Variants in SH2B2 observed in about 807,000 individuals in gnomAD.
SH2B2 encodes the protein SH2B adaptor protein 2, also known as SH2B adapter protein 2.
A neutral mutation model predicts 35.7 loss-of-function variants in SH2B2; 37 were observed. The observed-to-expected ratio is 1.04, with a 90% CI of 0.80 to 1.36. The LOEUF (loss-of-function observed/expected upper bound fraction) is 1.36, where lower values mean the gene tolerates loss of function less well. SH2B2 is among the 40% of genes most tolerant of loss of function. The probability of loss-of-function intolerance (pLI) is 0.00; values close to 1 mark genes in which losing one functional copy is unlikely to be tolerated. For missense variants in SH2B2, 852 were observed against 817.7 expected, an observed-to-expected ratio of 1.04 and a Z score of -0.51; for synonymous variants, 383 against 376.4, an observed-to-expected ratio of 1.02 and a Z score of -0.20.
Position 102,301,151 on chromosome 7 carries a change from CGCTTCATGGTG to C in SH2B2, c.604_614del (p.Phe202ArgfsTer53), listed in dbSNP as rs1554553765. ...GGACATTCAACGCGAGGGGGCGCTG[CGCTTCATGGTG>C]GCCGACGACGCGGCCGCGGGCTCCG... On this transcript the variant is annotated frameshift_variant, in exon 2 of 9. Coordinates refer to ENST00000444095, the MANE Select transcript of SH2B2 (RefSeq NM_001359228.2). LOFTEE classifies it high-confidence loss of function. 6.4e-7 allele frequency: 1 copy of C among 1,553,522 alleles called. No individual in the cohort carries two copies. The highest frequency in any genetic ancestry group is 2.5e-5 in the East Asian group (1 of 40,678).
chr7:102,295,314 G>T (rs782715811), intron 1 of SH2B2, among the ~76,000 whole-genome samples: 8 of 152,316 alleles, frequency 5.3e-5, no homozygotes, highest in East Asian at 3.9e-4. Context: ...TAATGGTATA[G>T]AGAGAGAGGT....
At position 102,321,505 on chromosome 7, in the gene SH2B2, G is replaced by A. The variant is rs1217343209; in HGVS notation, c.1774G>A (p.Ala592Thr). The A allele has an allele frequency of 7.0e-6, 8 of 1,150,890 alleles. No homozygotes were observed. The African/African-American group carries it at 1.3e-4, about 19-fold the overall frequency. The allele number at this position is 1,150,890 out of a possible 1,614,324, so 71.3% of individuals were successfully genotyped here. A position where few individuals can be genotyped will look rare whatever the true frequency, so the allele number is the denominator to read the frequency against. Residue 592 changes from alanine to threonine, a missense_variant, in exon 9 of 9, where the codon GCG (alanine) becomes ACG (threonine). This residue lies in a region of SH2B2 where 556 missense variants were observed against 514.5 expected (regional missense o/e 1.08). Transcript: ENST00000444095. ...GCGCCCCGTCGAGGGCCAGCTCAGC[G>A]CGCGGAGCCGCAGCAACAGCGCCGA... Reference protein sequence around the residue: ...PPRPVEGQLSARSRSNSAERL... With the variant: ...PPRPVEGQLSTRSRSNSAERL...
At chr7:102,290,090 C>G (rs803094) in intron 1 of SH2B2, among the ~76,000 whole-genome samples, 5,000 of 150,242 alleles carry the variant, frequency 0.033, 115 homozygotes, top group Middle Eastern at 0.066. Context: ...CCCGCCCCCC[C>G]ACCCAGCCGC....
chr7:102,285,902 G>A (rs1313070344), upstream of SH2B2, among the ~76,000 whole-genome samples: 1 of 151,854 alleles, frequency 6.6e-6, no homozygotes, highest in Non-Finnish European at 1.5e-5. Flanking sequence ...TGCCCCCACC[G>A]AAGCCCTCCC....
intron 4 of SH2B2, 154 bp downstream of exon 4, chr7:102,309,060 C>CT (rs1554555444): frequency 1.4e-6 from 1 of 736,584 alleles, no homozygotes; most frequent in African/African-American, 1.7e-5. Context: ...GATCACCCTC[C>CT]TTTAAAATAC....
At chr7:102,286,376 G>C (rs1792446499), upstream of SH2B2, among the ~76,000 whole-genome samples, 1 of 152,228 alleles carries the variant, frequency 6.6e-6, no homozygotes, top group Admixed American at 6.5e-5. Context: ...TCCCTGCTGC[G>C]GAGAGTCTGG....
intron 2 of SH2B2, among the ~76,000 whole-genome samples, chr7:102,302,073 G>T (rs550638722): frequency 7.8e-4 from 118 of 152,216 alleles, no homozygotes; most frequent in Non-Finnish European, 1.4e-3. Context: ...TTGCTCAAGT[G>T]GTCTGGAACT....
intron 3 of SH2B2, 60 bp downstream of exon 3, chr7:102,306,882 G>T: frequency 7.6e-7 from 1 of 1,315,378 alleles, no homozygotes. Context: ...CTTCCCTTTA[G>T]GTGCTACAGC....
chr7:102,317,078 A>G (rs1347049783), intron 6 of SH2B2, 109 bp from the exon 7 acceptor site: 8 of 888,248 alleles, frequency 9.0e-6, no homozygotes, highest in Non-Finnish European at 1.2e-5. Context: ...TTCCAACAGC[A>G]TTTTGCATGT....
At chr7:102,311,554 CTTTT>C (rs1171961750) in intron 4 of SH2B2, among the ~76,000 whole-genome samples, 12 of 104,622 alleles carry the variant, frequency 1.1e-4, no homozygotes, top group Admixed American at 4.4e-4. Context: ...TGCAACTGGC[CTTTT>C]TTTTTTTTTT....
chr7:102,305,045 G>A (rs374419784), intron 2 of SH2B2, among the ~76,000 whole-genome samples: 1 of 152,144 alleles, frequency 6.6e-6, no homozygotes, highest in East Asian at 1.9e-4. Flanking sequence ...ACAGAGTGGC[G>A]GTCCCACAGA....
chr7:102,309,444 T>A (rs1793532588), intron 4 of SH2B2: 3 of 285,800 alleles, frequency 1.0e-5, no homozygotes, highest in South Asian at 5.8e-5. Flanking sequence ...CACTGCAATC[T>A]CCGCCTCCCA....
At position 102,297,801 on chromosome 7, in the gene SH2B2, G is replaced by A. The variant is rs114882137; in HGVS notation, c.-29-2721G>A. Among the ~76,000 whole-genome samples, 463 of 152,190 alleles carry A rather than the reference G, an allele frequency of 3.0e-3. 2 individuals are homozygous for A. The highest frequency in any genetic ancestry group is 0.011 in the African/African-American group (447 of 41,490). On this transcript the variant is annotated intron_variant, in intron 1 of 8. Coordinates refer to ENST00000444095, the MANE Select transcript of SH2B2 (RefSeq NM_001359228.2). The surrounding 1 kb of genome is among the most constrained non-coding windows in gnomAD (Gnocchi z 4.3). ...TGAAACTGGCATTCTCGGGGGAAGG[G>A]GGTGGAGGGGACACACAACCAAGCA...
intron 2 of SH2B2, among the ~76,000 whole-genome samples, chr7:102,303,217 CAA>C (rs549676263): frequency 6.7e-5 from 9 of 133,424 alleles, no homozygotes; most frequent in Non-Finnish European, 3.3e-5. Context: ...AACTCTGTCT[CAA>C]AAAAAAAAAA....
In SH2B2 at chr7:102,317,381, C is replaced by CAGGGCA. The variant is rs1793889222; in HGVS notation, c.1385_1390dup (p.Gly462_Lys463dup). Reference sequence around the variant, plus strand: ...GGAGTACGTGCTGACCTTCAACTTCCAGGGCAAGGCCAAGGCAAGTGTGTG... The same window carrying CAGGGCA: ...GGAGTACGTGCTGACCTTCAACTTCCAGGGCAAGGGCAAGGCCAAGGCAAGTGTGTG... On this transcript the variant is annotated inframe_insertion, in exon 7 of 9. Transcript: ENST00000444095. 6.3e-7 allele frequency: 1 copy of CAGGGCA among 1,581,176 alleles called. No individual in the cohort carries two copies. The highest frequency in any genetic ancestry group is 8.6e-7 in the Non-Finnish European group (1 of 1,156,868).
At chr7:102,285,851 G>T (rs1198495793), upstream of SH2B2, among the ~76,000 whole-genome samples, 2 of 152,174 alleles carry the variant, frequency 1.3e-5, no homozygotes, top group South Asian at 4.1e-4. Context: ...ATCTCCAGGA[G>T]CAAGACTACT....
intron 1 of SH2B2, among the ~76,000 whole-genome samples, chr7:102,298,155 G>A (rs1253061801): frequency 3.3e-5 from 5 of 152,216 alleles, no homozygotes; most frequent in Admixed American, 3.3e-4. Flanking sequence ...TCAGACCCTA[G>A]GGGCTGTGGA....
intron 1 of SH2B2, among the ~76,000 whole-genome samples, chr7:102,291,872 C>G (rs1226107664): frequency 6.6e-6 from 1 of 152,114 alleles, no homozygotes; most frequent in Non-Finnish European, 1.5e-5. Flanking sequence ...TCACTCCAGG[C>G]CGGAGGGATG....
At chr7:102,306,648 T>C in intron 2 of SH2B2, 73 bp from the exon 3 acceptor site, 1 of 1,113,134 alleles carries the variant, frequency 9.0e-7, no homozygotes, top group South Asian at 1.3e-5. Context: ...CTCTAACACC[T>C]GGCAGCGGGG....
Sources: allele counts gnomAD v4.1 joint callset (sites outside exome capture counted in the v4.1 genomes callset), GRCh38; gene constraint gnomAD v4.1.1; regional missense constraint gnomAD v4.1.1; non-coding constraint Gnocchi (gnomAD v3.1); transcripts MANE v1.5; gene names NCBI Gene and HGNC (gene_info 2026-07-23, HGNC 2026-07-21).